FGF8: variants seen among roughly 807,000 people sequenced by gnomAD.
FGF8 encodes the protein androgen-induced growth factor.
In FGF8, 12 loss-of-function variants were observed where a neutral mutation model predicts 29.7. The observed-to-expected ratio is 0.40, with a 90% confidence interval of 0.26 to 0.65. The LOEUF (loss-of-function observed/expected upper bound fraction) is 0.65, where lower values mean the gene tolerates loss of function less well. Among genes scored for constraint, FGF8 ranks in the 30% least tolerant of loss-of-function variants. FGF8 has a pLI of 0.37. For synonymous variants in FGF8, 157 were observed against 144.4 expected (o/e 1.09, Z -0.63); for missense variants, 271 against 345.1 (o/e 0.79, Z 1.70).
At chr10:101,779,500 C>CT (rs2135008531), upstream of FGF8, among the ~76,000 whole-genome samples, 1 of 152,202 alleles carries the variant, frequency 6.6e-6, no homozygotes, top group South Asian at 2.1e-4. The surrounding 1 kb of genome is among the most constrained non-coding windows in gnomAD (Gnocchi z 5.7). Context: ...CCTTGCCCAG[C>CT]TGTGTCCGCG....
Position 101,775,267 on chromosome 10 carries a change from G to A in FGF8, c.70-51C>T. ...AGGGAGGCAGCCCTCCCCGACCCCTGACATTTATAAAGACAAATTTACGGA... is the reference window on the plus strand; with the variant it reads ...AGGGAGGCAGCCCTCCCCGACCCCTAACATTTATAAAGACAAATTTACGGA... On this transcript the variant is annotated intron_variant, in intron 2 of 5. Coordinates refer to ENST00000320185, the MANE Select transcript of FGF8 (RefSeq NM_033163.5). The surrounding 1 kb of genome is among the most constrained non-coding windows in gnomAD (Gnocchi z 4.6). 5.5e-6 allele frequency: 7 copies of A among 1,274,844 alleles called. No homozygotes were observed. In the South Asian group the frequency reaches 8.9e-5, roughly 16 times the overall value. The allele number at this position is 1,274,844 out of a possible 1,614,324, so 79.0% of individuals were successfully genotyped here.
chr10:101,777,188 C>G (rs189725414), upstream of FGF8, among the ~76,000 whole-genome samples: 5 of 152,230 alleles, frequency 3.3e-5, no homozygotes, highest in East Asian at 9.7e-4. Context: ...TTTCCTAGCC[C>G]CCCACCTTGT....
rs2135002640 is a variant in FGF8 at position 101,775,835 on chromosome 10, G to A, written c.32+34C>T. On this transcript the variant is annotated intron_variant, in intron 1 of 5. Coordinates refer to ENST00000320185, the MANE Select transcript of FGF8 (RefSeq NM_033163.5). This position sits in a 1 kb window ranked among gnomAD's most constrained non-coding sequence, Gnocchi z 4.6. ...CGCGGGTGAGGCGAGGGGCGCGGGGGGCGGGTGGCGGGGCAGGGCGGCGCG... is the reference window on the plus strand; with the variant it reads ...CGCGGGTGAGGCGAGGGGCGCGGGGAGCGGGTGGCGGGGCAGGGCGGCGCG... 6.6e-7 allele frequency: 1 copy of A among 1,519,550 alleles called. No homozygotes were observed. 94.1% of individuals were successfully genotyped at this position (1,519,550 alleles called of 1,614,324 possible).
At chr10:101,773,584 C>G (rs1194385202) in intron 4 of FGF8, among the ~76,000 whole-genome samples, 1 of 152,064 alleles carries the variant, frequency 6.6e-6, no homozygotes, top group Non-Finnish European at 1.5e-5. Flanking sequence ...ACCTATTCTT[C>G]CACCCCAGTG....
rs1165051555 is a variant in FGF8, at chr10:101,770,116, C to T, written c.*213G>A. On this transcript the variant is annotated 3_prime_UTR_variant, in exon 6 of 6. Coordinates refer to ENST00000320185, the MANE Select transcript of FGF8 (RefSeq NM_033163.5). ...ACAGACACCACAGCCAAGTGGAATACAAAAATAGAGCCTCTCTTTTGTTTT... is the reference window on the plus strand; with the variant it reads ...ACAGACACCACAGCCAAGTGGAATATAAAAATAGAGCCTCTCTTTTGTTTT... 32 of 445,584 alleles carry T rather than the reference C, an allele frequency of 7.2e-5. No individual in the cohort carries two copies. The highest frequency in any genetic ancestry group is 1.0e-4 in the Non-Finnish European group (28 of 270,938). The allele number at this position is 445,584 out of a possible 1,614,324, so 27.6% of individuals were successfully genotyped here. A position where few individuals can be genotyped will look rare whatever the true frequency, so the allele number is the denominator to read the frequency against.
upstream of FGF8, among the ~76,000 whole-genome samples, chr10:101,778,508 C>T (rs979122045): frequency 6.6e-6 from 1 of 152,242 alleles, no homozygotes; most frequent in East Asian, 1.9e-4. Context: ...TTCCTCTGCC[C>T]CAGAGAAGAT....
chr10:101,779,496 C>T (rs945321578), upstream of FGF8, among the ~76,000 whole-genome samples: 25 of 152,010 alleles, frequency 1.6e-4, no homozygotes, highest in Non-Finnish European at 1.5e-5. The surrounding 1 kb of genome is among the most constrained non-coding windows in gnomAD (Gnocchi z 5.7). Context: ...TAAACCTTGC[C>T]CAGCTGTGTC....
Position 101,774,837 on chromosome 10 carries a change from G to A in FGF8, c.232C>T (p.Arg78Cys). The A allele has an allele frequency of 6.2e-7, 1 of 1,613,870 alleles. No homozygotes were observed. Among genetic ancestry groups the A allele is most frequent in the South Asian group, 1.1e-5 (1 of 91,090 alleles). The change falls in exon 4 of 6, where the codon CGC becomes TGC. Residue 78 changes from arginine (R) to cysteine (C), a missense_variant. Transcript: ENST00000320185. ...TAGAGTTGGTAGGTCCGGATGAGGC[G>A]GCGGCTGAGCTGATCCGTCACCAGG... ...QSLVTDQLSR[R>C]LIRTYQLYSR...
rs116363564 is a variant in FGF8 at position 101,770,422 on chromosome 10, G to A, written c.642C>T (p.Thr214=). 687 of 1,608,486 alleles carry A rather than the reference G, an allele frequency of 4.3e-4. No homozygotes were observed. In the African/African-American group the frequency reaches 6.8e-3, roughly 16 times the overall value. The change falls in exon 6 of 6, where the codon ACC becomes ACT. Residue 214 remains threonine, a synonymous_variant. Transcript: ENST00000320185. ...GGAACTCGAAGCGCAGGCTCTGCTC[G>A]GTGGTGTGGTGGCCCCGGGGCAGCC... ...MKRLPRGHHT[T]EQSLRFEFLN...
intron 4 of FGF8, among the ~76,000 whole-genome samples, chr10:101,773,488 G>A (rs1431227674): frequency 6.7e-6 from 1 of 148,620 alleles, no homozygotes; most frequent in Non-Finnish European, 1.5e-5. Context: ...TCCCATGTCG[G>A]TTGAATCTGC....
In FGF8 at chr10:101,774,779, A is replaced by G. The variant is rs537681304; in HGVS notation, c.290T>C (p.Leu97Pro). ...CATGGCGTTGATGCGCTTGTTGGCCAGGACCTGCACGTGCTTCCCGCTGGT... is the reference window on the plus strand; with the variant it reads ...CATGGCGTTGATGCGCTTGTTGGCCGGGACCTGCACGTGCTTCCCGCTGGT... ...SRTSGKHVQV[L>P]ANKRINAMAE... Residue 97 changes from leucine to proline, a missense_variant, in exon 4 of 6, where the codon CTG (leucine) becomes CCG (proline). By Grantham distance (98) the Leu-to-Pro change is moderately conservative. Coordinates refer to ENST00000320185, the MANE Select transcript of FGF8 (RefSeq NM_033163.5). The G allele has an allele frequency of 2.5e-6, 4 of 1,611,020 alleles. No individual in the cohort carries two copies. Among genetic ancestry groups the G allele is most frequent in the African/African-American group, 2.7e-5 (2 of 75,066 alleles).
In FGF8 at chr10:101,775,534, C is replaced by T. The variant is rs2065077124; in HGVS notation, c.69+206G>A. Reference sequence around the variant, plus strand: ...TCCGAGACCTTCGTTTCTATCCTGGCCACTCACTCGCTGTGTGACCTCAGG... The same window carrying T: ...TCCGAGACCTTCGTTTCTATCCTGGTCACTCACTCGCTGTGTGACCTCAGG... On this transcript the variant is annotated intron_variant, in intron 2 of 5. Coordinates refer to ENST00000320185, the MANE Select transcript of FGF8 (RefSeq NM_033163.5). This position sits in a 1 kb window ranked among gnomAD's most constrained non-coding sequence, Gnocchi z 4.6. 7 of 621,660 alleles carry T rather than the reference C, an allele frequency of 1.1e-5. No homozygotes were observed. The highest frequency in any genetic ancestry group is 5.7e-5 in the Admixed American group (2 of 34,816). 38.5% of individuals were successfully genotyped at this position (621,660 alleles called of 1,614,324 possible).
At position 101,774,892 on chromosome 10, in the gene FGF8, A is replaced by G; in HGVS notation, c.177T>C (p.Pro59=). The change falls in exon 4 of 6, where the codon CCT becomes CCC. Residue 59 remains proline, a synonymous_variant. Coordinates refer to ENST00000320185, the MANE Select transcript of FGF8 (RefSeq NM_033163.5). The part of the protein sequence containing the change: ...VSQQVTVQSS[P]NFTQHVREQS... Reference sequence around the variant, plus strand: ...GCTCCCTCACATGCTGTGTAAAATTAGGTGAGGACTGAACAGTTACCTTTA... The same window carrying G: ...GCTCCCTCACATGCTGTGTAAAATTGGGTGAGGACTGAACAGTTACCTTTA... 6.2e-7 allele frequency: 1 copy of G among 1,614,084 alleles called. No homozygotes were observed. Among genetic ancestry groups the G allele is most frequent in the Non-Finnish European group, 8.5e-7 (1 of 1,180,026 alleles).
chr10:101,775,475 A>G lies in FGF8; in HGVS notation c.70-259T>C. 3 of 603,132 alleles carry G rather than the reference A, an allele frequency of 5.0e-6. No individual in the cohort carries two copies. In the South Asian group the frequency reaches 5.9e-5, roughly 12 times the overall value. 37.4% of individuals were successfully genotyped at this position (603,132 alleles called of 1,614,324 possible). A position where few individuals can be genotyped will look rare whatever the true frequency, so the allele number is the denominator to read the frequency against. ...GCGGCTGGGTGTTCCCTATGCCCCC[A>G]GCCGGCGAGGATGCATGGGGGACAG... On this transcript the variant is annotated intron_variant, in intron 2 of 5. Coordinates refer to ENST00000320185, the MANE Select transcript of FGF8 (RefSeq NM_033163.5). This position sits in a 1 kb window ranked among gnomAD's most constrained non-coding sequence, Gnocchi z 4.6.
At chr10:101,779,353 A>G (rs1046942289), upstream of FGF8, among the ~76,000 whole-genome samples, 1 of 152,206 alleles carries the variant, frequency 6.6e-6, no homozygotes, top group African/African-American at 2.4e-5. This position sits in a 1 kb window ranked among gnomAD's most constrained non-coding sequence, Gnocchi z 5.7. Flanking sequence ...CCCTTCCTCC[A>G]GCAGTCGGCA....
chr10:101,770,141 T>C lies in FGF8; in HGVS notation c.*188A>G. The C allele has an allele frequency of 2.5e-6, 1 of 392,436 alleles. No homozygotes were observed. The highest frequency in any genetic ancestry group is 4.4e-6 in the Non-Finnish European group (1 of 229,746). The allele number at this position is 392,436 out of a possible 1,614,324, so 24.3% of individuals were successfully genotyped here. A position where few individuals can be genotyped will look rare whatever the true frequency, so the allele number is the denominator to read the frequency against. Reference sequence around the variant, plus strand: ...CAAAAATAGAGCCTCTCTTTTGTTTTAAAAAAAAAAAAAAAAAAAAAAACA... The same window carrying C: ...CAAAAATAGAGCCTCTCTTTTGTTTCAAAAAAAAAAAAAAAAAAAAAAACA... On this transcript the variant is annotated 3_prime_UTR_variant, in exon 6 of 6. Coordinates refer to ENST00000320185, the MANE Select transcript of FGF8 (RefSeq NM_033163.5).
At chr10:101,776,487 G>A (rs1214690256), upstream of FGF8, among the ~76,000 whole-genome samples, 1 of 151,844 alleles carries the variant, frequency 6.6e-6, no homozygotes, top group Non-Finnish European at 1.5e-5. Flanking sequence ...CAAACTCTGC[G>A]GGCCGGGAGA....
upstream of FGF8, among the ~76,000 whole-genome samples, chr10:101,778,167 G>A (rs1464449416): frequency 2.0e-5 from 3 of 152,232 alleles, no homozygotes; most frequent in Non-Finnish European, 2.9e-5. Context: ...GTTTAGTTGC[G>A]TATGTCGATG....
chr10:101,774,917 A>G lies in FGF8; in HGVS notation c.157-5T>C. On this transcript the variant is annotated splice_polypyrimidine_tract_variant and splice_region_variant and intron_variant, in intron 3 of 5. Coordinates refer to ENST00000320185, the MANE Select transcript of FGF8 (RefSeq NM_033163.5). ...AGGTGAGGACTGAACAGTTACCTTT[A>G]GGAAATTGAAAAATACACAATACAC... The G allele has an allele frequency of 6.2e-7, 1 of 1,613,864 alleles. No homozygotes were observed. Among genetic ancestry groups the G allele is most frequent in the Non-Finnish European group, 8.5e-7 (1 of 1,179,930 alleles).
Sources: gnomAD v4.1 joint callset for allele counts (sites outside exome capture counted in the v4.1 genomes callset) on GRCh38, gnomAD v4.1.1 for gene constraint, Gnocchi (gnomAD v3.1) non-coding constraint, MANE v1.5 for transcripts, NCBI Gene and HGNC (gene_info 2026-07-23, HGNC 2026-07-21) for gene names.